The following THOC2 variants were observed in gnomAD, a reference collection of about 807,000 sequenced individuals.
THOC2 encodes THO complex 2.
THOC2 carries 10 observed loss-of-function variants against 128.4 expected under a neutral mutation model. The ratio of observed to expected loss-of-function variants is 0.08; its 90% confidence interval spans 0.05 to 0.13. The LOEUF is 0.13. Among genes scored for constraint, THOC2 ranks in the 10% least tolerant of loss-of-function variants. The pLI, the probability that THOC2 is intolerant of heterozygous loss-of-function variation, is 1.00. For missense variants in THOC2, 535 were observed against 1,155.7 expected (o/e 0.46, Z 7.79); for synonymous variants, 393 against 396.9 (o/e 0.99, Z 0.12).
intron 38 of THOC2, among the ~76,000 whole-genome samples, chrX:123,610,619 A>C (rs2046667990): frequency 8.9e-6 from 1 of 111,941 alleles, no homozygotes; most frequent in Non-Finnish European, 1.9e-5. Flanking sequence ...AAGGACTTTA[A>C]AAACATAATT....
At position 123,705,910 on chromosome X, in the gene THOC2, T is replaced by C. The variant is rs185707830; in HGVS notation, c.222+948A>G. On this transcript the variant is annotated intron_variant, in intron 3 of 38. Transcript: ENST00000245838. ...CATTATAAATGTATATATACACATA[T>C]ATACACAGACACAAGATAATTTTAT... 4.5e-5 allele frequency among the ~76,000 whole-genome samples: 5 copies of C among 111,634 alleles called. No homozygotes were observed. In the East Asian group the frequency reaches 1.4e-3, roughly 31 times the overall value.
chrX:123,656,842 T>G (rs1413139017), intron 12 of THOC2, among the ~76,000 whole-genome samples: 1 of 110,648 alleles, frequency 9.0e-6, no homozygotes, highest in African/African-American at 3.3e-5. Context: ...AAACCTCATC[T>G]CTACTAAAAA....
intron 2 of THOC2, among the ~76,000 whole-genome samples, chrX:123,708,618 A>C (rs1387171755): frequency 1.8e-5 from 2 of 111,524 alleles, no homozygotes; most frequent in Admixed American, 9.5e-5. Context: ...AGGGAAGTCT[A>C]ATCTTAACCA....
rs764976694 is a variant in THOC2, at chrX:123,665,846, A to G, written c.1191-9T>C. 2.0e-6 allele frequency: 2 copies of G among 1,019,453 alleles called. No individual in the cohort carries two copies. Among genetic ancestry groups the G allele is most frequent in the Admixed American group, 3.2e-5 (1 of 31,707 alleles). The allele number at this position is 1,019,453 out of a possible 1,213,427, so 84.0% of individuals were successfully genotyped here. On this transcript the variant is annotated splice_polypyrimidine_tract_variant and intron_variant, in intron 11 of 38. Transcript: ENST00000245838. ...CTTTAGGAACTCCAACTCTATTTTAAAAAGTAAAATAAATAAATAAACAAA... is the reference window on the plus strand; with the variant it reads ...CTTTAGGAACTCCAACTCTATTTTAGAAAGTAAAATAAATAAATAAACAAA...
rs1441841676 is a variant in THOC2, at chrX:123,688,004, T to C, written c.602-1290A>G. Among the ~76,000 whole-genome samples, 3 of 112,345 alleles carry C rather than the reference T, an allele frequency of 2.7e-5. No individual in the cohort carries two copies. In the Admixed American group the frequency reaches 2.8e-4, roughly 11 times the overall value. On this transcript the variant is annotated intron_variant, in intron 7 of 38. Coordinates refer to ENST00000245838, the MANE Select transcript of THOC2 (RefSeq NM_001081550.2). ...AGTGATTCGAAAATAGCAATTAAGA[T>C]CCTTAAATGCTGCTGATGGCAATGT...
intron 12 of THOC2, among the ~76,000 whole-genome samples, chrX:123,651,000 T>C: frequency 8.9e-6 from 1 of 111,921 alleles, no homozygotes; most frequent in South Asian, 3.7e-4. Flanking sequence ...ATCAACAGAA[T>C]ATACATTCTT....
intron 12 of THOC2, among the ~76,000 whole-genome samples, chrX:123,663,170 C>T (rs954557611): frequency 2.7e-5 from 3 of 111,672 alleles, no homozygotes; most frequent in African/African-American, 6.5e-5. Flanking sequence ...TTATAATAGC[C>T]TCCAGGTAGA....
At chrX:123,656,055 G>T (rs1318579979) in intron 12 of THOC2, among the ~76,000 whole-genome samples, 1 of 109,038 alleles carries the variant, frequency 9.2e-6, no homozygotes, top group Non-Finnish European at 1.9e-5. Flanking sequence ...GGGCGTGGTG[G>T]CTCATGCCTG....
At chrX:123,722,742 G>T (rs1420069758) in intron 1 of THOC2, among the ~76,000 whole-genome samples, 1 of 110,851 alleles carries the variant, frequency 9.0e-6, no homozygotes, top group Admixed American at 9.7e-5. Flanking sequence ...AAAAAAAAAT[G>T]ACAGTTGTAA....
chrX:123,732,557 A>G (rs1335640484), intron 1 of THOC2, among the ~76,000 whole-genome samples: 1 of 112,212 alleles, frequency 8.9e-6, no homozygotes, highest in Non-Finnish European at 1.9e-5. Context: ...GAGTGAAGAA[A>G]TGGCACAGAG....
chrX:123,661,428 ACAAAAAAACC>A (rs748830345), intron 12 of THOC2, among the ~76,000 whole-genome samples: 1 of 110,496 alleles, frequency 9.1e-6, no homozygotes, highest in African/African-American at 3.3e-5. Context: ...AACAAAACAA[ACAAAAAAACC>A]CAAAAAAACA....
chrX:123,600,912 CA>C lies in THOC2; in HGVS notation c.*444del, dbSNP rs1256241874. The C allele has an allele frequency of 1.8e-5, 2 of 111,906 alleles. No individual in the cohort carries two copies. Among genetic ancestry groups the C allele is most frequent in the African/African-American group, 6.5e-5 (2 of 30,704 alleles). 9.2% of individuals were successfully genotyped at this position (111,906 alleles called of 1,213,427 possible). On this transcript the variant is annotated 3_prime_UTR_variant, in exon 39 of 39. Transcript: ENST00000245838. Reference sequence around the variant, plus strand: ...TTAGTGACTAATATTAAGAACAAGCCAAATAATAAATTAAAACAGTTTTAAA... The same window carrying C: ...TTAGTGACTAATATTAAGAACAAGCCAATAATAAATTAAAACAGTTTTAAA...
At chrX:123,706,213 A>G (rs776137828) in intron 3 of THOC2, among the ~76,000 whole-genome samples, 95 of 111,867 alleles carry the variant, frequency 8.5e-4, no homozygotes, top group Non-Finnish European at 1.6e-3. Flanking sequence ...GAGCCAAACA[A>G]TTGCAATTTA....
chrX:123,683,342 T>C (rs1466859276), intron 8 of THOC2, among the ~76,000 whole-genome samples: 1 of 110,231 alleles, frequency 9.1e-6, no homozygotes, highest in East Asian at 2.9e-4. Flanking sequence ...CTGGTCAACA[T>C]ATGAGTTGGG....
chrX:123,625,492 ATG>A (rs1274694416), intron 25 of THOC2, among the ~76,000 whole-genome samples: 1 of 110,325 alleles, frequency 9.1e-6, no homozygotes, highest in Admixed American at 9.7e-5. Context: ...CTGCTTTTAT[ATG>A]TGTGTGAAGG....
intron 15 of THOC2, among the ~76,000 whole-genome samples, chrX:123,642,462 T>C (rs1603262872): frequency 9.2e-6 from 1 of 108,351 alleles, no homozygotes; most frequent in South Asian, 3.9e-4. Flanking sequence ...AATACAAGGA[T>C]GAATAACAGA....
chrX:123,715,611 C>T (rs1315442863), intron 1 of THOC2, among the ~76,000 whole-genome samples: 2 of 106,814 alleles, frequency 1.9e-5, no homozygotes, highest in Non-Finnish European at 3.9e-5. Flanking sequence ...GTGAAACCCT[C>T]TCTCTACAAA....
chrX:123,650,887 T>G (rs1295773878), intron 12 of THOC2, among the ~76,000 whole-genome samples: 2 of 111,647 alleles, frequency 1.8e-5, no homozygotes, highest in Non-Finnish European at 3.8e-5. Flanking sequence ...CTGTCAATAT[T>G]AGACAGATCA....
chrX:123,696,601 T>C, intron 6 of THOC2, 120 bp downstream of exon 6: 1 of 727,175 alleles, frequency 1.4e-6, no homozygotes, highest in Non-Finnish European at 1.9e-6. Context: ...ACACAAGACA[T>C]GCTAACCACA....
Sources: allele counts gnomAD v4.1 joint callset (sites outside exome capture counted in the v4.1 genomes callset), GRCh38; gene constraint gnomAD v4.1.1; transcripts MANE v1.5; gene names NCBI Gene and HGNC (gene_info 2026-07-23, HGNC 2026-07-21).